The following PCDHAC2 variants were observed in gnomAD, a reference collection of about 807,000 sequenced individuals.
The protein encoded by PCDHAC2 is protocadherin alpha-C2.
In PCDHAC2, 24 loss-of-function variants were observed where a neutral mutation model predicts 63.3. The ratio of observed to expected loss-of-function variants is 0.38; its 90% confidence interval spans 0.27 to 0.53. The LOEUF (loss-of-function observed/expected upper bound fraction) is 0.53, where lower values mean the gene tolerates loss of function less well. PCDHAC2 is among the 20% of genes least tolerant of loss of function. The pLI is 0.81. For synonymous variants in PCDHAC2, 569 were observed against 529.4 expected (o/e 1.07, Z -1.03); for missense variants, 1,181 against 1,275.2 (o/e 0.93, Z 1.12).
intron 3 of PCDHAC2, among the ~76,000 whole-genome samples, chr5:141,005,628 G>C: frequency 6.7e-6 from 1 of 148,974 alleles, no homozygotes; most frequent in Non-Finnish European, 1.5e-5. Context: ...CGTGAACCCG[G>C]GAGGCGGAGC....
At chr5:140,983,438 C>T (rs1233600670) in intron 3 of PCDHAC2, among the ~76,000 whole-genome samples, 2 of 152,224 alleles carry the variant, frequency 1.3e-5, no homozygotes, top group Non-Finnish European at 2.9e-5. Flanking sequence ...ATTGTGTCTA[C>T]TCTAATCCTC....
rs1364396774 is a variant in PCDHAC2, at chr5:140,966,986, C to G, written c.220C>G (p.Pro74Ala). The change falls in exon 1 of 4, where the codon CCG becomes GCG. Residue 74 changes from proline to alanine, a missense_variant. Pro to Ala is a conservative substitution (Grantham distance 27). Coordinates refer to ENST00000289269, the MANE Select transcript of PCDHAC2 (RefSeq NM_018899.6). ...GGGGCTTGAGCTGCGGCGCTTGGGGCCGGGTTGCTTGCGCATCAACCATCT... is the reference window on the plus strand; with the variant it reads ...GGGGCTTGAGCTGCGGCGCTTGGGGGCGGGTTGCTTGCGCATCAACCATCT... The part of the protein sequence containing the change: ...ALGLELRRLG[P>A]GCLRINHLGA... The G allele has an allele frequency of 6.2e-7, 1 of 1,603,766 alleles. No homozygotes were observed. Among genetic ancestry groups the G allele is most frequent in the African/African-American group, 1.3e-5 (1 of 74,866 alleles).
In PCDHAC2 at chr5:140,967,508, C is replaced by G. The variant is rs2096150874; in HGVS notation, c.742C>G (p.Leu248Val). The change falls in exon 1 of 4, where the codon CTG becomes GTG. Residue 248 changes from leucine to valine, a missense_variant. By Grantham distance (32) the Leu-to-Val change is conservative. Around this residue, in one of 3 missense-constraint regions of PCDHAC2, gnomAD observed 968 missense variants for 1,073.5 expected, o/e 0.90. Transcript: ENST00000289269. Reference protein sequence around the residue: ...SGTAQISVRVLDTNDNSPAFD... With the variant: ...SGTAQISVRVVDTNDNSPAFD... ...TACGGCACAGATCTCTGTGCGTGTC[C>G]TGGACACTAACGACAACTCTCCTGC... The G allele has an allele frequency of 1.2e-6, 2 of 1,612,712 alleles. No homozygotes were observed. The highest frequency in any genetic ancestry group is 1.7e-6 in the Non-Finnish European group (2 of 1,179,150).
chr5:140,995,047 C>G (rs1174630120), intron 3 of PCDHAC2, among the ~76,000 whole-genome samples: 2 of 152,158 alleles, frequency 1.3e-5, no homozygotes, highest in Admixed American at 1.3e-4. Context: ...CTTAACTCTA[C>G]TGAATTTTCA....
chr5:141,010,226 C>G lies in PCDHAC2; in HGVS notation c.*289C>G, dbSNP rs1386050566. The G allele has an allele frequency of 1.3e-6, 2 of 1,551,706 alleles. No individual in the cohort carries two copies. Among genetic ancestry groups the G allele is most frequent in the Non-Finnish European group, 1.7e-6 (2 of 1,147,032 alleles). ...CGCCGCAAAGGAGAGGCTTCCCAGC[C>G]CCGCCAGTGAGAGGTTGGACTCTCT... On this transcript the variant is annotated 3_prime_UTR_variant, in exon 4 of 4. Coordinates refer to ENST00000289269, the MANE Select transcript of PCDHAC2 (RefSeq NM_018899.6).
chr5:140,987,391 G>A (rs1277678841), intron 3 of PCDHAC2, among the ~76,000 whole-genome samples: 1 of 152,140 alleles, frequency 6.6e-6, no homozygotes, highest in Non-Finnish European at 1.5e-5. Flanking sequence ...ATGCATGCAA[G>A]GAAGCCATCT....
chr5:140,993,087 G>T (rs1476981409), intron 3 of PCDHAC2, among the ~76,000 whole-genome samples: 2 of 152,188 alleles, frequency 1.3e-5, no homozygotes, highest in African/African-American at 4.8e-5. Flanking sequence ...AATCAGCAGG[G>T]CTATGTTTAT....
intron 3 of PCDHAC2, among the ~76,000 whole-genome samples, chr5:140,988,281 A>G (rs2097291171): frequency 2.0e-5 from 3 of 152,202 alleles, no homozygotes; most frequent in Admixed American, 2.0e-4. Context: ...GTCACCTGCC[A>G]TCTGACAGCC....
intron 3 of PCDHAC2, among the ~76,000 whole-genome samples, chr5:141,005,701 CAAAAAAAAAAAAAAAAAA>C (rs59860837): frequency 2.6e-4 from 2 of 7,786 alleles, no homozygotes; most frequent in Non-Finnish European, 5.4e-4. Flanking sequence ...AACTCCGTCT[CAAAAAAAAAAAAAAAAAA>C]AAAAAAAAAA....
intron 3 of PCDHAC2, among the ~76,000 whole-genome samples, chr5:140,989,936 C>T (rs564429410): frequency 1.3e-5 from 2 of 152,104 alleles, no homozygotes; most frequent in Non-Finnish European, 2.9e-5. Flanking sequence ...AGATGACATT[C>T]CACGTTTTTC....
At chr5:140,981,332 G>A (rs1407839547) in intron 2 of PCDHAC2, among the ~76,000 whole-genome samples, 1 of 152,182 alleles carries the variant, frequency 6.6e-6, no homozygotes, top group Non-Finnish European at 1.5e-5. Context: ...CCAGCACTTT[G>A]GGAGGGTGAG....
At chr5:140,982,127 C>G (rs1367393953) in intron 2 of PCDHAC2, among the ~76,000 whole-genome samples, 1 of 152,244 alleles carries the variant, frequency 6.6e-6, no homozygotes, top group Non-Finnish European at 1.5e-5. Flanking sequence ...CTTTTGAGAA[C>G]AAGCCCTCCT....
In PCDHAC2 at chr5:140,985,839, A is replaced by G. The variant is rs570244448; in HGVS notation, c.2713+3276A>G. On this transcript the variant is annotated intron_variant, in intron 3 of 3. Coordinates refer to ENST00000289269, the MANE Select transcript of PCDHAC2 (RefSeq NM_018899.6). ...ACAACAAGCTCTGCCTCCCGGGTTC[A>G]TGCCACTCTCCTGCCTCAGCCTCCT... Among the ~76,000 whole-genome samples the G allele has an allele frequency of 6.2e-5, 9 of 144,378 alleles. No homozygotes were observed. The East Asian group carries it at 1.9e-3, about 30-fold the overall frequency. 94.7% of individuals were successfully genotyped at this position (144,378 alleles called of 152,430 possible). A position where few individuals can be genotyped will look rare whatever the true frequency, so the allele number is the denominator to read the frequency against.
chr5:140,974,394 A>G (rs1554236015), intron 1 of PCDHAC2, among the ~76,000 whole-genome samples: 1 of 152,212 alleles, frequency 6.6e-6, no homozygotes, highest in Non-Finnish European at 1.5e-5. Context: ...CCCATTAGGT[A>G]TGTTCTAAAG....
intron 1 of PCDHAC2, among the ~76,000 whole-genome samples, chr5:140,971,183 G>C (rs1471489236): frequency 1.3e-5 from 2 of 152,170 alleles, no homozygotes; most frequent in African/African-American, 4.8e-5. Flanking sequence ...CTGTAAGCCG[G>C]AAGCTCAGAG....
chr5:140,993,291 C>A (rs961103629), intron 3 of PCDHAC2, among the ~76,000 whole-genome samples: 6 of 152,068 alleles, frequency 3.9e-5, no homozygotes, highest in African/African-American at 1.4e-4. Flanking sequence ...CCCAGGGTCA[C>A]AACCTTGCCT....
At chr5:141,007,806 T>G (rs979059299) in intron 3 of PCDHAC2, among the ~76,000 whole-genome samples, 12 of 152,220 alleles carry the variant, frequency 7.9e-5, no homozygotes, top group Non-Finnish European at 1.3e-4. Context: ...TATCTGCCAT[T>G]CATTTGCCTT....
Position 140,966,645 on chromosome 5 carries a change from C to A in PCDHAC2, c.-122C>A. On this transcript the variant is annotated 5_prime_UTR_variant, in exon 1 of 4. Coordinates refer to ENST00000289269, the MANE Select transcript of PCDHAC2 (RefSeq NM_018899.6). ...GAGCGGCCCCAGGCGCTTTCTAGAG[C>A]GTGAGCGGTGGGGGAGCAGGCGCAG... is the stretch of plus-strand genomic sequence containing the variant. The A allele has an allele frequency of 8.9e-7, 1 of 1,125,650 alleles. No homozygotes were observed. The highest frequency in any genetic ancestry group is 1.7e-5 in the African/African-American group (1 of 60,578). 69.7% of individuals were successfully genotyped at this position (1,125,650 alleles called of 1,614,324 possible).
chr5:140,996,283 C>T (rs2097719869), intron 3 of PCDHAC2, among the ~76,000 whole-genome samples: 1 of 152,172 alleles, frequency 6.6e-6, no homozygotes, highest in African/African-American at 2.4e-5. Context: ...TGCCAAATTT[C>T]AAGAAGCACA....
Sources: gnomAD v4.1 joint callset for allele counts (sites outside exome capture counted in the v4.1 genomes callset) on GRCh38, gnomAD v4.1.1 for gene constraint, gnomAD v4.1.1 regional missense constraint, MANE v1.5 for transcripts, NCBI Gene and HGNC (gene_info 2026-07-23, HGNC 2026-07-21) for gene names.